Variants in LDLRAD3 observed in about 807,000 individuals in gnomAD.
The protein encoded by LDLRAD3 is low density lipoprotein receptor class A domain containing 3.
Under a neutral mutation model 29.4 loss-of-function variants are expected in LDLRAD3, and 20 were observed. The observed-to-expected ratio is 0.68, with a 90% confidence interval of 0.48 to 0.99. The LOEUF is 0.99. Among genes scored for constraint, LDLRAD3 ranks in the 50% least tolerant of loss-of-function variants. The pLI, the probability that LDLRAD3 is intolerant of heterozygous loss-of-function variation, is 0.00. For missense variants in LDLRAD3, 420 were observed against 454.3 expected (o/e 0.92, Z 0.69); for synonymous variants, 157 against 192.7 (o/e 0.81, Z 1.53).
At chr11:36,168,047 C>G (rs997407417) in intron 4 of LDLRAD3, among the ~76,000 whole-genome samples, 1 of 152,206 alleles carries the variant, frequency 6.6e-6, no homozygotes, top group Non-Finnish European at 1.5e-5. Flanking sequence ...CATCGATATT[C>G]TCCTCTACTT....
intron 4 of LDLRAD3, among the ~76,000 whole-genome samples, chr11:36,223,179 T>C (rs971366284): frequency 2.6e-5 from 4 of 152,330 alleles, no homozygotes; most frequent in East Asian, 1.9e-4. Flanking sequence ...CACTGAGTTA[T>C]GCAACATCAT....
At chr11:36,021,241 G>A (rs778434664) in intron 1 of LDLRAD3, among the ~76,000 whole-genome samples, 1 of 152,198 alleles carries the variant, frequency 6.6e-6, no homozygotes, top group Non-Finnish European at 1.5e-5. Context: ...AGTTATCACC[G>A]TGAAGGTCCA....
At chr11:36,076,762 C>G (rs1273749835) in intron 2 of LDLRAD3, among the ~76,000 whole-genome samples, 1 of 152,122 alleles carries the variant, frequency 6.6e-6, no homozygotes, top group Non-Finnish European at 1.5e-5. Flanking sequence ...TTTGTTCACC[C>G]CTAGTGCACC....
At chr11:35,946,569 T>C (rs1204520773) in intron 1 of LDLRAD3, among the ~76,000 whole-genome samples, 2 of 152,250 alleles carry the variant, frequency 1.3e-5, no homozygotes, top group African/African-American at 2.4e-5. Flanking sequence ...TCATGTCATC[T>C]GATGTCCAGT....
chr11:36,041,946 A>G (rs1407608029), intron 2 of LDLRAD3, among the ~76,000 whole-genome samples: 1 of 152,202 alleles, frequency 6.6e-6, no homozygotes, highest in East Asian at 1.9e-4. Context: ...TGAATCTCCA[A>G]ATCCAGAGAT....
chr11:36,206,420 G>A (rs952966369), intron 4 of LDLRAD3, among the ~76,000 whole-genome samples: 2 of 152,216 alleles, frequency 1.3e-5, no homozygotes, highest in East Asian at 3.8e-4. Context: ...GACTAGCTAT[G>A]TCCGTAACTC....
chr11:35,965,151 T>C (rs1264819778), intron 1 of LDLRAD3, among the ~76,000 whole-genome samples: 1 of 152,172 alleles, frequency 6.6e-6, no homozygotes, highest in Non-Finnish European at 1.5e-5. Context: ...CTCTTGATGT[T>C]GAGTCACCCG....
chr11:36,225,600 C>T (rs1590369949), intron 4 of LDLRAD3, among the ~76,000 whole-genome samples: 1 of 152,138 alleles, frequency 6.6e-6, no homozygotes, highest in Non-Finnish European at 1.5e-5. Flanking sequence ...ACGCTGGGGC[C>T]AGGTTCTGAA....
chr11:36,209,353 C>CTTTTTTTTTTT (rs71044560), intron 4 of LDLRAD3, among the ~76,000 whole-genome samples: 1 of 68,604 alleles, frequency 1.5e-5, no homozygotes, highest in Non-Finnish European at 2.7e-5. Context: ...AGAAACTGTA[C>CTTTTTTTTTTT]TTTTTTTTTT....
At chr11:36,180,130 T>G (rs1997118) in intron 4 of LDLRAD3, among the ~76,000 whole-genome samples, 8,673 of 152,206 alleles carry the variant, frequency 0.057, 262 homozygotes, top group East Asian at 0.079. Context: ...TTCCAGGGGG[T>G]TCCTACCTGC....
At chr11:35,988,963 C>A (rs1851653395) in intron 1 of LDLRAD3, 1 of 152,148 alleles carries the variant, frequency 6.6e-6, no homozygotes, top group Non-Finnish European at 1.5e-5. Context: ...GACTGATGTC[C>A]AGAATAGTAT....
chr11:36,016,569 C>T (rs756282106), intron 1 of LDLRAD3, among the ~76,000 whole-genome samples: 10 of 152,152 alleles, frequency 6.6e-5, no homozygotes, highest in Non-Finnish European at 1.2e-4. Flanking sequence ...TCATCTTGGC[C>T]GCTTTCGTAA....
intron 4 of LDLRAD3, among the ~76,000 whole-genome samples, chr11:36,123,772 C>T (rs1853794738): frequency 2.0e-5 from 3 of 152,180 alleles, no homozygotes; most frequent in Non-Finnish European, 4.4e-5. Context: ...CAGTGCCGAC[C>T]CCCTGACTCT....
chr11:36,012,960 A>G (rs1851974189), intron 1 of LDLRAD3, among the ~76,000 whole-genome samples: 1 of 152,232 alleles, frequency 6.6e-6, no homozygotes, highest in African/African-American at 2.4e-5. Context: ...TATTTCCATT[A>G]TACTTCTAAA....
At chr11:36,067,374 ATAC>A (rs1852812148) in intron 2 of LDLRAD3, among the ~76,000 whole-genome samples, 1 of 152,074 alleles carries the variant, frequency 6.6e-6, no homozygotes, top group Admixed American at 6.6e-5. Flanking sequence ...ATATTTTATA[ATAC>A]TATATTTTAT....
intron 4 of LDLRAD3, among the ~76,000 whole-genome samples, chr11:36,202,769 G>A (rs867144408): frequency 6.6e-6 from 1 of 152,168 alleles, no homozygotes; most frequent in African/African-American, 2.4e-5. Flanking sequence ...ACTACAGATA[G>A]ATGTCCCAGG....
chr11:36,156,616 A>G (rs1296976827), intron 4 of LDLRAD3, among the ~76,000 whole-genome samples: 4 of 152,248 alleles, frequency 2.6e-5, no homozygotes, highest in Admixed American at 1.3e-4. Context: ...AGTTAAGGTA[A>G]GGAAATGACT....
At chr11:36,125,592 G>A (rs1853824767) in intron 4 of LDLRAD3, among the ~76,000 whole-genome samples, 1 of 152,204 alleles carries the variant, frequency 6.6e-6, no homozygotes, top group Non-Finnish European at 1.5e-5. Context: ...TCGATGGGGT[G>A]AGTTTGTAAG....
chr11:36,083,919 A>C (rs1853157357), intron 3 of LDLRAD3, among the ~76,000 whole-genome samples: 1 of 152,024 alleles, frequency 6.6e-6, no homozygotes, highest in Admixed American at 6.6e-5. Context: ...ATTTGTCTTT[A>C]ATTTTCTCTT....
Sources: allele counts gnomAD v4.1 joint callset (sites outside exome capture counted in the v4.1 genomes callset), GRCh38; gene constraint gnomAD v4.1.1; transcripts MANE v1.5; gene names NCBI Gene and HGNC (gene_info 2026-07-23, HGNC 2026-07-21).